Variants in DYSF observed in about 807,000 individuals in gnomAD.
The protein encoded by DYSF is dysferlin.
A neutral mutation model predicts 274.9 loss-of-function variants in DYSF; 212 were observed. That is an observed-to-expected ratio of 0.77 (90% CI 0.69 to 0.86). DYSF has a LOEUF of 0.86. DYSF is among the 40% of genes least tolerant of loss of function. The pLI is 0.00. For synonymous variants in DYSF, 1,091 were observed against 1,078.7 expected (o/e 1.01, Z -0.22); for missense variants, 2,666 against 2,783.2 (o/e 0.96, Z 0.95).
intron 41 of DYSF, among the ~76,000 whole-genome samples, chr2:71,634,150 G>A (rs923081005): frequency 9.9e-5 from 15 of 152,208 alleles, no homozygotes; most frequent in African/African-American, 3.4e-4. Flanking sequence ...TGCACAATGA[G>A]GGGCCTTGAA....
At chr2:71,483,053 T>C (rs115261678) in intron 3 of DYSF, among the ~76,000 whole-genome samples, 2,942 of 152,044 alleles carry the variant, frequency 0.019, 38 homozygotes, top group Non-Finnish European at 0.032. Context: ...GCAAAACACC[T>C]GGAAAATTTG....
chr2:71,459,774 G>A (rs564148042), intron 1 of DYSF, among the ~76,000 whole-genome samples: 2 of 152,130 alleles, frequency 1.3e-5, no homozygotes, highest in Non-Finnish European at 1.5e-5. Flanking sequence ...TCTCTGGAGG[G>A]CAGAGAGCCA....
chr2:71,484,984 G>C (rs1188914860), intron 3 of DYSF, among the ~76,000 whole-genome samples: 2 of 152,178 alleles, frequency 1.3e-5, no homozygotes, highest in Non-Finnish European at 2.9e-5. Context: ...TGCCCCATGT[G>C]AGCAGTTCAC....
chr2:71,501,084 GC>G (rs985926983), intron 3 of DYSF, among the ~76,000 whole-genome samples: 14 of 152,120 alleles, frequency 9.2e-5, no homozygotes, highest in Non-Finnish European at 8.8e-5. Context: ...CACTCCAGGA[GC>G]CCCAGCTTAT....
At chr2:71,648,575 A>G (rs2094604191) in intron 42 of DYSF, among the ~76,000 whole-genome samples, 1 of 152,228 alleles carries the variant, frequency 6.6e-6, no homozygotes, top group South Asian at 2.1e-4. Context: ...TAATGGTTTA[A>G]TAAAACCTTA....
intron 4 of DYSF, among the ~76,000 whole-genome samples, 170 bp from the exon 5 acceptor site, chr2:71,511,637 T>G (rs1007224791): frequency 1.3e-5 from 2 of 152,172 alleles, no homozygotes; most frequent in African/African-American, 4.8e-5. Flanking sequence ...TCGAACCACC[T>G]GACTATGCTG....
At chr2:71,560,821 A>G (rs1477287836) in intron 22 of DYSF, among the ~76,000 whole-genome samples, 1 of 151,014 alleles carries the variant, frequency 6.6e-6, no homozygotes, top group Non-Finnish European at 1.5e-5. Flanking sequence ...GACCTGGTGG[A>G]GCGGGTTTGA....
chr2:71,533,279 C>A (rs2088951641), intron 14 of DYSF, among the ~76,000 whole-genome samples: 1 of 152,222 alleles, frequency 6.6e-6, no homozygotes, highest in Non-Finnish European at 1.5e-5. Context: ...CTTGGGCTCC[C>A]AAAGTGCTGG....
At chr2:71,479,515 G>A (rs906276466) in intron 1 of DYSF, among the ~76,000 whole-genome samples, 4 of 152,142 alleles carry the variant, frequency 2.6e-5, no homozygotes, top group Admixed American at 1.3e-4. Flanking sequence ...AAGGACCAGG[G>A]GCTGCAGCAC....
At chr2:71,479,292 CTCT>C (rs138937808) in intron 1 of DYSF, among the ~76,000 whole-genome samples, 3,682 of 151,826 alleles carry the variant, frequency 0.024, 83 homozygotes, top group African/African-American at 0.059. Flanking sequence ...TAAATGCCTT[CTCT>C]TCTTCTTTGG....
At chr2:71,613,283 G>T in intron 39 of DYSF, 51 bp from the exon 40 acceptor site, 1 of 1,553,662 alleles carries the variant, frequency 6.4e-7, no homozygotes, top group Non-Finnish European at 8.8e-7. Flanking sequence ...GGTGAGGGGC[G>T]AGCCTTTTGA....
At chr2:71,495,571 C>A (rs541078857) in intron 3 of DYSF, among the ~76,000 whole-genome samples, 3 of 152,190 alleles carry the variant, frequency 2.0e-5, no homozygotes, top group Non-Finnish European at 4.4e-5. Context: ...GGCCTGCCAG[C>A]CTTTCTGGAT....
intron 55 of DYSF, among the ~76,000 whole-genome samples, chr2:71,682,995 G>C (rs570226516): frequency 1.3e-5 from 2 of 152,210 alleles, no homozygotes; most frequent in African/African-American, 4.8e-5. Flanking sequence ...TTTGGGTTGC[G>C]GTGGGCAGGG....
At chr2:71,597,617 C>A (rs2152854525) in intron 32 of DYSF, among the ~76,000 whole-genome samples, 1 of 152,308 alleles carries the variant, frequency 6.6e-6, no homozygotes, top group South Asian at 2.1e-4. Context: ...ATTTTCAGAA[C>A]CACTGCCCTA....
intron 45 of DYSF, among the ~76,000 whole-genome samples, chr2:71,662,062 G>A (rs2094891166): frequency 6.6e-6 from 1 of 152,178 alleles, no homozygotes. Flanking sequence ...GGGAGCCAGT[G>A]CAGGAACACA....
chr2:71,569,877 C>T lies in DYSF; in HGVS notation c.2922C>T (p.Asn974=), dbSNP rs1559182184. 1.2e-6 allele frequency: 2 copies of T among 1,614,176 alleles called. No individual in the cohort carries two copies. The highest frequency in any genetic ancestry group is 1.7e-6 in the Non-Finnish European group (2 of 1,180,038). The change falls in exon 27 of 56, where the codon AAC becomes AAT. Residue 974 remains asparagine, a synonymous_variant. Coordinates refer to ENST00000410020, the MANE Select transcript of DYSF (RefSeq NM_001130987.2). The part of the protein sequence containing the change: ...HLSFVEEVFE[N]QTRLPGGQWI... ...GCTTCGTGGAAGAGGTGTTTGAGAA[C>T]CAGACCCGGCTTCCCGGAGGCCAGT... is the stretch of plus-strand genomic sequence containing the variant.
chr2:71,685,896 G>A (rs1262785950), intron 55 of DYSF, among the ~76,000 whole-genome samples: 1 of 152,176 alleles, frequency 6.6e-6, no homozygotes, highest in Non-Finnish European at 1.5e-5. Context: ...CAGCAGGCAG[G>A]GCTCAATCAA....
At chr2:71,540,187 T>C (rs2089801418) in intron 17 of DYSF, among the ~76,000 whole-genome samples, 1 of 151,072 alleles carries the variant, frequency 6.6e-6, no homozygotes, top group African/African-American at 2.4e-5. Flanking sequence ...CTCAGCTCAC[T>C]GCAATCTCCG....
At chr2:71,531,617 T>C (rs1452466396) in intron 14 of DYSF, among the ~76,000 whole-genome samples, 1 of 151,718 alleles carries the variant, frequency 6.6e-6, no homozygotes, top group Non-Finnish European at 1.5e-5. Flanking sequence ...ACAAAATGTG[T>C]GTCCTTTGAT....
Sources: allele counts gnomAD v4.1 joint callset (sites outside exome capture counted in the v4.1 genomes callset), GRCh38; gene constraint gnomAD v4.1.1; transcripts MANE v1.5; gene names NCBI Gene and HGNC (gene_info 2026-07-23, HGNC 2026-07-21).